Variants in PSD3 observed in about 807,000 individuals in gnomAD.
The protein encoded by PSD3 is pleckstrin and Sec7 domain containing 3.
Under a neutral mutation model 105.5 loss-of-function variants are expected in PSD3, and 49 were observed. The ratio of observed to expected loss-of-function variants is 0.46; its 90% CI spans 0.37 to 0.59. The LOEUF is 0.59. Among genes scored for constraint, PSD3 ranks in the 20% least tolerant of loss-of-function variants. The pLI is 0.00. For synonymous variants in PSD3, 557 were observed against 457.8 expected (o/e 1.22, Z -2.77); for missense variants, 1,561 against 1,263.8 (o/e 1.24, Z -3.57).
intron 4 of PSD3, chr8:18,865,185 G>C (rs1309971767): frequency 7.9e-6 from 1 of 126,738 alleles, no homozygotes; most frequent in Non-Finnish European, 1.6e-5. Context: ...ACGTGGCTTT[G>C]GGTAAGATAT....
chr8:18,953,995 A>T (rs1823402677), intron 1 of PSD3, among the ~76,000 whole-genome samples: 1 of 152,154 alleles, frequency 6.6e-6, no homozygotes, highest in Non-Finnish European at 1.5e-5. Context: ...CAAGATATCA[A>T]ACAGTGACAC....
intron 9 of PSD3, among the ~76,000 whole-genome samples, chr8:18,667,977 G>A (rs1234344374): frequency 6.6e-6 from 1 of 152,248 alleles, no homozygotes; most frequent in African/African-American, 2.4e-5. Flanking sequence ...GCCGCTCCAA[G>A]TGTGGGGCCC....
chr8:19,059,806 T>C (rs1828835531), intron 1 of PSD3, among the ~76,000 whole-genome samples: 1 of 152,234 alleles, frequency 6.6e-6, no homozygotes, highest in South Asian at 2.1e-4. Context: ...TTTGCTTTTT[T>C]CCCAACCTGC....
chr8:18,634,097 CT>C (rs1172430142), intron 10 of PSD3, among the ~76,000 whole-genome samples: 1 of 151,948 alleles, frequency 6.6e-6, no homozygotes, highest in Non-Finnish European at 1.5e-5. Context: ...CCTTTGCCCA[CT>C]TTTTTAGTAA....
intron 14 of PSD3, among the ~76,000 whole-genome samples, 188 bp downstream of exon 14, chr8:18,572,340 T>G (rs1802194709): frequency 6.6e-6 from 1 of 152,210 alleles, no homozygotes; most frequent in Non-Finnish European, 1.5e-5. Flanking sequence ...GACTCAATTA[T>G]GTCAGCTTCC....
intron 2 of PSD3, among the ~76,000 whole-genome samples, chr8:18,888,931 G>C (rs141383282): frequency 6.6e-6 from 1 of 152,120 alleles, no homozygotes; most frequent in African/African-American, 2.4e-5. Flanking sequence ...CTGAGGAATT[G>C]TGAGCATCCC....
At chr8:18,951,516 C>G (rs569238782) in intron 1 of PSD3, among the ~76,000 whole-genome samples, 1 of 152,290 alleles carries the variant, frequency 6.6e-6, no homozygotes, top group African/African-American at 2.4e-5. Flanking sequence ...CAAACCACAA[C>G]CACAAAGTAC....
At chr8:18,786,304 A>G (rs532022832) in intron 8 of PSD3, among the ~76,000 whole-genome samples, 2 of 152,350 alleles carry the variant, frequency 1.3e-5, no homozygotes, top group East Asian at 3.9e-4. Context: ...TACAGAGTCA[A>G]AAGTGTTTTT....
At chr8:18,806,010 G>GA (rs752164087) in intron 4 of PSD3, among the ~76,000 whole-genome samples, 3 of 152,140 alleles carry the variant, frequency 2.0e-5, no homozygotes, top group Non-Finnish European at 2.9e-5. Flanking sequence ...AATGACAGAC[G>GA]AATGTTTTTC....
At chr8:18,827,940 A>G (rs1813334675) in intron 4 of PSD3, among the ~76,000 whole-genome samples, 1 of 149,630 alleles carries the variant, frequency 6.7e-6, no homozygotes, top group East Asian at 1.9e-4. Context: ...AAAAAAAAAA[A>G]AGAAGCAAAA....
intron 11 of PSD3, among the ~76,000 whole-genome samples, chr8:18,616,383 T>C (rs957530461): frequency 1.3e-5 from 2 of 152,148 alleles, no homozygotes; most frequent in African/African-American, 4.8e-5. Flanking sequence ...CTATCTTTTG[T>C]GGGGGAGATT....
At chr8:18,557,025 A>C (rs1801123194) in intron 14 of PSD3, among the ~76,000 whole-genome samples, 1 of 152,244 alleles carries the variant, frequency 6.6e-6, no homozygotes, top group Non-Finnish European at 1.5e-5. Context: ...CCGTGTACCA[A>C]TGCAATATGG....
chr8:18,683,448 A>G (rs1712006581), intron 9 of PSD3, among the ~76,000 whole-genome samples: 2 of 152,196 alleles, frequency 1.3e-5, no homozygotes, highest in Admixed American at 1.3e-4. Flanking sequence ...CTGAAAAATC[A>G]TTTGTCAAGG....
chr8:18,610,186 G>A (rs948161562), intron 11 of PSD3, among the ~76,000 whole-genome samples: 2 of 152,192 alleles, frequency 1.3e-5, no homozygotes, highest in African/African-American at 4.8e-5. Context: ...TGTAGGAACT[G>A]TTAAAGCAAA....
At chr8:18,603,795 C>T (rs967549967) in intron 11 of PSD3, among the ~76,000 whole-genome samples, 18 of 152,130 alleles carry the variant, frequency 1.2e-4, no homozygotes, top group Admixed American at 2.0e-4. Flanking sequence ...TGTAGCACCT[C>T]GCCCAGTTTG....
chr8:18,539,451 C>A (rs906192101), intron 15 of PSD3, among the ~76,000 whole-genome samples: 1 of 151,780 alleles, frequency 6.6e-6, no homozygotes. Context: ...TGATTTGCAT[C>A]TTTTTTCCTA....
At chr8:18,699,881 C>T (rs1178964904) in intron 9 of PSD3, among the ~76,000 whole-genome samples, 1 of 150,964 alleles carries the variant, frequency 6.6e-6, no homozygotes, top group Non-Finnish European at 1.5e-5. Context: ...AAAAAAACCA[C>T]AAAAATCAAG....
At chr8:18,698,125 G>A (rs1014367927) in intron 9 of PSD3, among the ~76,000 whole-genome samples, 3 of 152,080 alleles carry the variant, frequency 2.0e-5, no homozygotes, top group Non-Finnish European at 4.4e-5. Context: ...CAGAGACAGG[G>A]TCTCACTCTG....
Position 18,632,600 on chromosome 8 carries a change from G to A in PSD3, c.2410+13C>T, listed in dbSNP as rs772783732. The A allele has an allele frequency of 1.9e-5, 31 of 1,596,060 alleles. No homozygotes were observed. The highest frequency in any genetic ancestry group is 3.5e-5 in the Admixed American group (2 of 56,430). On this transcript the variant is annotated intron_variant, in intron 11 of 15. Transcript: ENST00000327040. ...AATAAATGAAATAGAAAATGACAAC[G>A]CATGATACTTACTCTTCTTTCCATC...
Sources: gnomAD v4.1 joint callset for allele counts (sites outside exome capture counted in the v4.1 genomes callset) on GRCh38, gnomAD v4.1.1 for gene constraint, MANE v1.5 for transcripts, NCBI Gene and HGNC (gene_info 2026-07-23, HGNC 2026-07-21) for gene names.